CUX2: variants seen among roughly 807,000 people sequenced by gnomAD.
CUX2 encodes cut like homeobox 2, also known as homeobox protein cut-like 2.
CUX2 carries 40 observed loss-of-function variants against 144.8 expected under a neutral mutation model. The observed-to-expected ratio is 0.28, with a 90% CI of 0.21 to 0.36. The LOEUF (loss-of-function observed/expected upper bound fraction) is 0.36. Among genes scored for constraint, CUX2 ranks in the 10% least tolerant of loss-of-function variants. The pLI is 1.00. For missense variants in CUX2, 1,615 were observed against 1,994.0 expected, an observed-to-expected ratio of 0.81 and a Z score of 3.62; for synonymous variants, 827 against 875.6, an observed-to-expected ratio of 0.94 and a Z score of 0.98.
At chr12:111,071,071 A>G (rs568932431) in intron 1 of CUX2, among the ~76,000 whole-genome samples, 1 of 147,768 alleles carries the variant, frequency 6.8e-6, no homozygotes, top group Admixed American at 6.7e-5. Flanking sequence ...TGCTGTAAAC[A>G]TCTTTCTCTA....
chr12:111,218,441 G>A (rs143581647), intron 3 of CUX2, among the ~76,000 whole-genome samples: 30 of 152,204 alleles, frequency 2.0e-4, no homozygotes, highest in East Asian at 5.8e-4. Context: ...GCTTAAACCC[G>A]GCAAGTTGAG....
intron 1 of CUX2, among the ~76,000 whole-genome samples, chr12:111,066,262 A>G (rs758447514): frequency 2.6e-5 from 4 of 152,192 alleles, no homozygotes; most frequent in Admixed American, 2.0e-4. Flanking sequence ...GAACTGACCT[A>G]TATATTTAAA....
intron 1 of CUX2, among the ~76,000 whole-genome samples, chr12:111,090,691 G>A (rs1396594241): frequency 6.6e-6 from 1 of 152,072 alleles, no homozygotes; most frequent in African/African-American, 2.4e-5. Context: ...ACACCTTGCA[G>A]TGAACTGCAA....
At chr12:111,321,732 T>C (rs7137093) in intron 17 of CUX2, among the ~76,000 whole-genome samples, 74,823 of 152,004 alleles carry the variant, frequency 0.49, 23,748 homozygotes, top group East Asian at 0.89. Flanking sequence ...AAGCTCACCC[T>C]AGCCAGGGGA....
rs560541094 is a variant in CUX2, at chr12:111,155,708, C to T, written c.64-58492C>T. On this transcript the variant is annotated intron_variant, in intron 1 of 21. Transcript: ENST00000261726. The stretch of plus-strand genomic sequence containing the variant: ...AACCGCACACACCAACTCCTGAAAA[C>T]GCCACCACACGCTCTCAGGCACCAG... Among the ~76,000 whole-genome samples the T allele has an allele frequency of 1.2e-4, 19 of 152,254 alleles. No individual in the cohort carries two copies. The South Asian group carries it at 1.5e-3, about 12-fold the overall frequency.
intron 8 of CUX2, among the ~76,000 whole-genome samples, chr12:111,297,616 G>T (rs1886078729): frequency 6.6e-6 from 1 of 152,164 alleles, no homozygotes; most frequent in Admixed American, 6.5e-5. Context: ...AAATTACTCT[G>T]GACTCAAGCG....
intron 1 of CUX2, among the ~76,000 whole-genome samples, chr12:111,172,446 A>G (rs556770456): frequency 2.6e-5 from 4 of 152,262 alleles, no homozygotes; most frequent in Admixed American, 6.5e-5. Flanking sequence ...TCCAGATCCT[A>G]TTGATTAAAG....
At position 111,277,023 on chromosome 12, in the gene CUX2, C is replaced by A. The variant is rs1469905206; in HGVS notation, c.301+13184C>A. Reference sequence around the variant, plus strand: ...TTGTTGGAGGTGCGGTCAAGAAATTCCAGTTCCTCTGAGCTCTTGGCTCAG... The same window carrying A: ...TTGTTGGAGGTGCGGTCAAGAAATTACAGTTCCTCTGAGCTCTTGGCTCAG... On this transcript the variant is annotated intron_variant, in intron 4 of 21. Coordinates refer to ENST00000261726, the MANE Select transcript of CUX2 (RefSeq NM_015267.4). This position sits in a 1 kb window ranked among gnomAD's most constrained non-coding sequence, Gnocchi z 5.0. Among the ~76,000 whole-genome samples, 1 of 152,198 alleles carries A rather than the reference C, an allele frequency of 6.6e-6. No homozygotes were observed. The highest frequency in any genetic ancestry group is 1.5e-5 in the Non-Finnish European group (1 of 68,026).
intron 16 of CUX2, among the ~76,000 whole-genome samples, chr12:111,316,775 A>G (rs1463686109): frequency 6.6e-6 from 1 of 151,980 alleles, no homozygotes; most frequent in African/African-American, 2.4e-5. Flanking sequence ...AAAGTGTACA[A>G]TTCAGTAGTA....
chr12:111,300,536 T>C (rs1436363290), intron 9 of CUX2, among the ~76,000 whole-genome samples: 1 of 152,212 alleles, frequency 6.6e-6, no homozygotes, highest in Non-Finnish European at 1.5e-5. Context: ...TCCTCCTCTG[T>C]TTTACGGCTG....
chr12:111,209,026 T>C (rs1200986009), intron 1 of CUX2, among the ~76,000 whole-genome samples: 1 of 152,204 alleles, frequency 6.6e-6, no homozygotes, highest in Non-Finnish European at 1.5e-5. Flanking sequence ...AAAATGTGTC[T>C]GTGATGCCAG....
chr12:111,103,664 A>G (rs969170982), intron 1 of CUX2, among the ~76,000 whole-genome samples: 2 of 152,220 alleles, frequency 1.3e-5, no homozygotes, highest in African/African-American at 4.8e-5. Flanking sequence ...ACTGTCTACT[A>G]TAACAGGCAG....
At chr12:111,191,780 T>C (rs1879906604) in intron 1 of CUX2, among the ~76,000 whole-genome samples, 1 of 152,102 alleles carries the variant, frequency 6.6e-6, no homozygotes, top group African/African-American at 2.4e-5. Context: ...TTTCCTCTGT[T>C]CTCCACCTGG....
intron 20 of CUX2, among the ~76,000 whole-genome samples, chr12:111,339,101 G>A (rs1379334267): frequency 1.3e-5 from 2 of 151,776 alleles, no homozygotes; most frequent in African/African-American, 4.8e-5. Flanking sequence ...GCATGGTGGT[G>A]CACACCTGTA....
At chr12:111,128,131 G>T (rs1470123857) in intron 1 of CUX2, among the ~76,000 whole-genome samples, 1 of 152,156 alleles carries the variant, frequency 6.6e-6, no homozygotes, top group Non-Finnish European at 1.5e-5. Context: ...TTCCAATTAT[G>T]TTCCTTCCAA....
At chr12:111,063,871 C>T (rs1272111388) in intron 1 of CUX2, among the ~76,000 whole-genome samples, 1 of 152,258 alleles carries the variant, frequency 6.6e-6, no homozygotes, top group Admixed American at 6.5e-5. Context: ...GTAAATATTG[C>T]TCATTGTGAA....
intron 1 of CUX2, among the ~76,000 whole-genome samples, chr12:111,132,556 CCTT>C (rs1334023240): frequency 7.5e-6 from 1 of 133,158 alleles, no homozygotes; most frequent in Non-Finnish European, 1.6e-5. Context: ...TGCTCTGTTT[CCTT>C]TTTTTTTTTT....
chr12:111,304,211 G>A lies in CUX2; in HGVS notation c.755G>A (p.Arg252Gln), dbSNP rs1247021979. 1.3e-5 allele frequency: 21 copies of A among 1,612,228 alleles called. No homozygotes were observed. Among genetic ancestry groups the A allele is most frequent in the Admixed American group, 3.3e-5 (2 of 59,798 alleles). Reference protein sequence around the residue: ...IMTNLEKANQRAEAAQREVES... With the variant: ...IMTNLEKANQQAEAAQREVES... ...CCCACACTGTCCCCTTCTCCCCAGC[G>A]AGCTGAGGCTGCCCAGCGGGAGGTG... The change falls in exon 10 of 22, where the codon CGA becomes CAA. Residue 252 changes from arginine (R) to glutamine (Q), a missense_variant and splice_region_variant. Transcript: ENST00000261726. The surrounding 1 kb of genome is among the most constrained non-coding windows in gnomAD (Gnocchi z 4.7).
chr12:111,288,791 C>CA (rs1885528478), intron 4 of CUX2, among the ~76,000 whole-genome samples: 1 of 152,122 alleles, frequency 6.6e-6, no homozygotes, highest in African/African-American at 2.4e-5. Flanking sequence ...GGTGAAACCC[C>CA]ATCTCTACCA....
Sources: allele counts gnomAD v4.1 joint callset (sites outside exome capture counted in the v4.1 genomes callset), GRCh38; gene constraint gnomAD v4.1.1; non-coding constraint Gnocchi (gnomAD v3.1); transcripts MANE v1.5; gene names NCBI Gene and HGNC (gene_info 2026-07-23, HGNC 2026-07-21).